Variants in GSAP observed in about 807,000 individuals in gnomAD.
GSAP encodes the protein gamma-secretase activating protein.
In GSAP, 118 loss-of-function variants were observed where a neutral mutation model predicts 131.7. That is an observed-to-expected ratio of 0.90 (90% CI 0.77 to 1.04). GSAP has a LOEUF of 1.04. Among genes scored for constraint, GSAP ranks in the 50% least tolerant of loss-of-function variants. GSAP has a pLI of 0.00. For synonymous variants in GSAP, 381 were observed against 363.4 expected (o/e 1.05, Z -0.55); for missense variants, 1,019 against 1,013.2 (o/e 1.01, Z -0.08).
intron 12 of GSAP, among the ~76,000 whole-genome samples, chr7:77,369,289 G>T (rs977173701): frequency 3.3e-5 from 5 of 152,204 alleles, no homozygotes; most frequent in African/African-American, 1.2e-4. Flanking sequence ...TCAATGCTTA[G>T]AAAGTCTGAT....
At chr7:77,399,168 T>C (rs1054197146) in intron 3 of GSAP, among the ~76,000 whole-genome samples, 4 of 152,178 alleles carry the variant, frequency 2.6e-5, no homozygotes, top group East Asian at 1.9e-4. Context: ...TCTAGGTCAA[T>C]AGGTGTGCAA....
chr7:77,396,846 C>A, intron 5 of GSAP, 136 bp downstream of exon 5: 1 of 500,286 alleles, frequency 2.0e-6, no homozygotes, highest in African/African-American at 2.0e-5. Context: ...TCATGCTTGA[C>A]ATGACCTTTG....
chr7:77,387,636 T>C (rs770110756), intron 5 of GSAP, among the ~76,000 whole-genome samples, 188 bp from the exon 6 acceptor site: 3 of 152,150 alleles, frequency 2.0e-5, no homozygotes, highest in Non-Finnish European at 4.4e-5. Context: ...AGTTCTACTC[T>C]CTAGGATGTG....
intron 19 of GSAP, among the ~76,000 whole-genome samples, chr7:77,341,960 G>C (rs1037668975): frequency 6.6e-6 from 1 of 152,150 alleles, no homozygotes; most frequent in East Asian, 1.9e-4. Context: ...CCTCCCCCAG[G>C]ATCTTACTTC....
At chr7:77,387,694 G>A (rs1161603875) in intron 5 of GSAP, among the ~76,000 whole-genome samples, 1 of 152,114 alleles carries the variant, frequency 6.6e-6, no homozygotes, top group Non-Finnish European at 1.5e-5. Context: ...CAAAGGACCT[G>A]CCTTCCACAC....
intron 5 of GSAP, among the ~76,000 whole-genome samples, chr7:77,392,083 G>C (rs1799640674): frequency 6.6e-6 from 1 of 151,678 alleles, no homozygotes; most frequent in South Asian, 2.1e-4. Context: ...AAATTAGCCG[G>C]AAGTGGTGGT....
chr7:77,363,504 A>C (rs1034937560), intron 12 of GSAP, among the ~76,000 whole-genome samples: 3 of 152,238 alleles, frequency 2.0e-5, no homozygotes, highest in Non-Finnish European at 2.9e-5. Flanking sequence ...AGCTAACGTT[A>C]ACTAGCTGTG....
rs370328999 is a variant in GSAP at position 77,406,565 on chromosome 7, T to C, written c.110-460A>G. 1.2e-4 allele frequency among the ~76,000 whole-genome samples: 18 copies of C among 152,328 alleles called. 1 individual carries two copies. The East Asian group carries it at 2.9e-3, about 24-fold the overall frequency. On this transcript the variant is annotated intron_variant, in intron 1 of 30. Coordinates refer to ENST00000257626, the MANE Select transcript of GSAP (RefSeq NM_017439.4). ...GCTGAGCTGCCAGGTGTCTGAGTAC[T>C]CAATTAAAACAAGATTAAAAAGTTA...
At chr7:77,367,761 G>C (rs1795531445) in intron 12 of GSAP, among the ~76,000 whole-genome samples, 1 of 152,172 alleles carries the variant, frequency 6.6e-6, no homozygotes, top group Admixed American at 6.5e-5. Flanking sequence ...TTTTGAAAGG[G>C]TTTCAGTAGG....
chr7:77,344,117 A>G (rs1431550101), intron 19 of GSAP, among the ~76,000 whole-genome samples: 1 of 152,150 alleles, frequency 6.6e-6, no homozygotes, highest in African/African-American at 2.4e-5. Flanking sequence ...TGCGAAGGCC[A>G]CCGTGGTCAT....
chr7:77,311,522 C>A, intron 30 of GSAP, 73 bp from the exon 31 acceptor site: 1 of 741,426 alleles, frequency 1.3e-6, no homozygotes, highest in Non-Finnish European at 2.4e-6. Flanking sequence ...ACTTTGTGCT[C>A]ACAGCTCATT....
At chr7:77,402,593 C>CAAAAAAAAAAAAAAA (rs56739649) in intron 3 of GSAP, among the ~76,000 whole-genome samples, 8 of 24,772 alleles carry the variant, frequency 3.2e-4, no homozygotes, top group South Asian at 2.1e-3. Context: ...GACTCTGTCT[C>CAAAAAAAAAAAAAAA]AAAAAAAAAA....
chr7:77,354,677 CTT>C (rs58464934), intron 16 of GSAP, among the ~76,000 whole-genome samples: 197 of 140,754 alleles, frequency 1.4e-3, no homozygotes, highest in Middle Eastern at 3.7e-3. Context: ...CGTCTAATGT[CTT>C]TTTTTTTTTT....
intron 5 of GSAP, among the ~76,000 whole-genome samples, chr7:77,390,316 T>C (rs1043065040): frequency 1.3e-5 from 2 of 152,164 alleles, no homozygotes; most frequent in African/African-American, 2.4e-5. Context: ...ATTTTGGCTT[T>C]TGTTGCCATT....
intron 12 of GSAP, among the ~76,000 whole-genome samples, chr7:77,364,042 G>A (rs1486070972): frequency 6.6e-6 from 1 of 151,904 alleles, no homozygotes; most frequent in Non-Finnish European, 1.5e-5. Context: ...ACATGAAATT[G>A]CTTAAAAAAA....
At chr7:77,378,373 A>T (rs1485084149) in intron 8 of GSAP, among the ~76,000 whole-genome samples, 1 of 152,168 alleles carries the variant, frequency 6.6e-6, no homozygotes, top group Non-Finnish European at 1.5e-5. Context: ...AATCCCAGCT[A>T]ATCAGGAGGC....
intron 5 of GSAP, among the ~76,000 whole-genome samples, chr7:77,391,464 A>G (rs1799530986): frequency 6.6e-6 from 1 of 152,330 alleles, no homozygotes; most frequent in African/African-American, 2.4e-5. Context: ...CAGTTCTGCC[A>G]TTATCCTGGT....
chr7:77,406,338 G>C (rs1052202833), intron 1 of GSAP, among the ~76,000 whole-genome samples: 2 of 152,128 alleles, frequency 1.3e-5, no homozygotes, highest in African/African-American at 4.8e-5. Context: ...TTACGTGTTG[G>C]TAATGTTAAA....
rs1794332389 is a variant in GSAP, at chr7:77,311,383, T to G, written c.2540A>C (p.His847Pro). Residue 847 changes from histidine to proline, a missense_variant, in exon 31 of 31, where the codon CAC becomes CCC. Transcript: ENST00000257626. The stretch of plus-strand genomic sequence containing the variant: ...TCATAAGCCTAAAAGCATCGCGGTG[T>G]GTTTCAGAGCTGCTTCCTCTACAAA... ...AEFVEEAALK[H>P]TAMLLGL The G allele has an allele frequency of 2.5e-6, 4 of 1,609,448 alleles. No homozygotes were observed. Among genetic ancestry groups the G allele is most frequent in the Non-Finnish European group, 3.4e-6 (4 of 1,175,776 alleles).
Sources: gnomAD v4.1 joint callset for allele counts (sites outside exome capture counted in the v4.1 genomes callset) on GRCh38, gnomAD v4.1.1 for gene constraint, MANE v1.5 for transcripts, NCBI Gene and HGNC (gene_info 2026-07-23, HGNC 2026-07-21) for gene names.